RIMS2: variants seen among roughly 807,000 people sequenced by gnomAD.
The protein encoded by RIMS2 is regulating synaptic membrane exocytosis protein 2.
Under a neutral mutation model 174.4 loss-of-function variants are expected in RIMS2, and 59 were observed. The ratio of observed to expected loss-of-function variants is 0.34; its 90% CI spans 0.27 to 0.42. The LOEUF (loss-of-function observed/expected upper bound fraction) is 0.42. Among genes scored for constraint, RIMS2 ranks in the 10% least tolerant of loss-of-function variants. The probability of loss-of-function intolerance (pLI) is 1.00; values close to 1 mark genes in which losing one functional copy is unlikely to be tolerated. For missense variants in RIMS2, 1,620 were observed against 1,666.3 expected, an observed-to-expected ratio of 0.97 and a Z score of 0.48; for synonymous variants, 606 against 572.5, an observed-to-expected ratio of 1.06 and a Z score of -0.84.
intron 1 of RIMS2, among the ~76,000 whole-genome samples, chr8:103,691,002 A>G (rs1320515200): frequency 6.6e-6 from 1 of 152,166 alleles, no homozygotes; most frequent in Non-Finnish European, 1.5e-5. Context: ...TTTTCTTTCA[A>G]CACTTTGAAT....
chr8:103,697,276 G>A, exon 2 of RIMS2: 1 of 1,613,244 alleles, frequency 6.2e-7, no homozygotes, highest in African/African-American at 1.3e-5. Flanking sequence ...TGGAGGTCGA[G>A]TGTCATTACG....
intron 19 of RIMS2, among the ~76,000 whole-genome samples, chr8:104,025,948 G>T (rs1170126775): frequency 6.6e-6 from 1 of 152,090 alleles, no homozygotes; most frequent in Non-Finnish European, 1.5e-5. Flanking sequence ...ATATCAAATA[G>T]CCTAGGTATA....
intron 5 of RIMS2, 131 bp from the exon 9 acceptor site, chr8:103,911,922 T>G: frequency 1.6e-6 from 1 of 610,166 alleles, no homozygotes; most frequent in Non-Finnish European, 2.7e-6. Flanking sequence ...AGCTGGTTTG[T>G]GTAATCATAA....
intron 14 of RIMS2, among the ~76,000 whole-genome samples, chr8:103,949,475 T>C (rs1439270522): frequency 6.6e-6 from 1 of 152,028 alleles, no homozygotes; most frequent in African/African-American, 2.4e-5. Flanking sequence ...AAATTAGAAA[T>C]CAATAACAGA....
chr8:103,811,239 C>A (rs2098685842), intron 3 of RIMS2, among the ~76,000 whole-genome samples: 1 of 152,132 alleles, frequency 6.6e-6, no homozygotes, highest in Non-Finnish European at 1.5e-5. Flanking sequence ...ATACTTGGAA[C>A]AAGCAGTCCT....
At position 103,759,110 on chromosome 8, in the gene RIMS2, G is replaced by A. The variant is rs183145529; in HGVS notation, c.388-7117G>A. 2.5e-3 allele frequency among the ~76,000 whole-genome samples: 378 copies of A among 152,240 alleles called. 2 individuals are homozygous for A. Among genetic ancestry groups the A allele is most frequent in the African/African-American group, 8.8e-3 (364 of 41,560 alleles). On this transcript the variant is annotated intron_variant, in intron 2 of 23. Coordinates refer to ENST00000504942, the Ensembl canonical transcript of RIMS2. ...GTATGTTCCAGTCTCTTCTTTCCAG[G>A]CTTTGACTCAGGACGAGGATGCATT... is the stretch of plus-strand genomic sequence containing the variant.
chr8:104,090,953 T>G (rs2129721092), intron 19 of RIMS2, among the ~76,000 whole-genome samples: 1 of 152,006 alleles, frequency 6.6e-6, no homozygotes, highest in East Asian at 1.9e-4. Flanking sequence ...GGCTACTGTT[T>G]AATCATCATC....
At chr8:103,529,082 T>C (rs935431474) in intron 1 of RIMS2, among the ~76,000 whole-genome samples, 12 of 152,238 alleles carry the variant, frequency 7.9e-5, no homozygotes, top group African/African-American at 2.9e-4. Context: ...CAGTGGTTTA[T>C]AGTTCTCCTT....
chr8:104,241,746 G>A (rs191454595), intron 19 of RIMS2, among the ~76,000 whole-genome samples: 10 of 151,586 alleles, frequency 6.6e-5, no homozygotes, highest in Admixed American at 5.9e-4. Context: ...CTTGCTTGGG[G>A]TTTTTGTTTG....
intron 19 of RIMS2, among the ~76,000 whole-genome samples, chr8:104,026,017 G>A (rs1435001276): frequency 2.6e-5 from 4 of 152,030 alleles, no homozygotes; most frequent in Non-Finnish European, 4.4e-5. Context: ...GCACAATGAC[G>A]AAATCACCTA....
intron 19 of RIMS2, among the ~76,000 whole-genome samples, chr8:104,201,522 T>G (rs972565280): frequency 2.6e-5 from 4 of 152,198 alleles, no homozygotes; most frequent in Admixed American, 6.5e-5. Flanking sequence ...TGATATTGGA[T>G]TGAGACATTT....
At chr8:103,750,035 T>C (rs781450034) in intron 2 of RIMS2, among the ~76,000 whole-genome samples, 1 of 152,040 alleles carries the variant, frequency 6.6e-6, no homozygotes, top group Admixed American at 6.6e-5. Context: ...GTTAAAACAG[T>C]GGGTATATCC....
chr8:103,731,215 C>A (rs1222739923), intron 2 of RIMS2, among the ~76,000 whole-genome samples: 1 of 152,188 alleles, frequency 6.6e-6, no homozygotes, highest in African/African-American at 2.4e-5. Context: ...AACCATATCA[C>A]AGTGGATGCA....
At chr8:104,112,298 ATTT>A (rs2098199523) in intron 19 of RIMS2, among the ~76,000 whole-genome samples, 2 of 152,048 alleles carry the variant, frequency 1.3e-5, no homozygotes, top group Non-Finnish European at 2.9e-5. Flanking sequence ...TTTAATCATG[ATTT>A]TAACAAATAA....
At chr8:103,504,532 A>G (rs1029242407) in intron 1 of RIMS2, among the ~76,000 whole-genome samples, 34 of 152,184 alleles carry the variant, frequency 2.2e-4, no homozygotes, top group Admixed American at 7.9e-4. Flanking sequence ...CTGAGTTTCT[A>G]ATATGTACAT....
intron 3 of RIMS2, among the ~76,000 whole-genome samples, chr8:103,810,091 A>C (rs1028655204): frequency 2.6e-5 from 4 of 152,196 alleles, no homozygotes; most frequent in Non-Finnish European, 4.4e-5. Flanking sequence ...AGCAAGGTAG[A>C]ATCTAACAGC....
intron 19 of RIMS2, among the ~76,000 whole-genome samples, chr8:104,153,092 C>A (rs1266826381): frequency 6.6e-6 from 1 of 151,900 alleles, no homozygotes; most frequent in African/African-American, 2.4e-5. Context: ...AAAGGAGAAA[C>A]CTTTTATAAA....
intron 15 of RIMS2, among the ~76,000 whole-genome samples, chr8:103,963,992 T>A (rs943012393): frequency 2.0e-5 from 3 of 152,204 alleles, no homozygotes; most frequent in Non-Finnish European, 2.9e-5. Flanking sequence ...TGTCTTTTCA[T>A]GGTTTGATAG....
At position 103,842,426 on chromosome 8, in the gene RIMS2, A is replaced by G. The variant is rs995902490; in HGVS notation, c.699-42872A>G. 2.0e-5 allele frequency among the ~76,000 whole-genome samples: 3 copies of G among 152,082 alleles called. No individual in the cohort carries two copies. In the East Asian group the frequency reaches 5.8e-4, roughly 29 times the overall value. On this transcript the variant is annotated intron_variant, in intron 3 of 23. Coordinates refer to ENST00000504942, the Ensembl canonical transcript of RIMS2. The stretch of plus-strand genomic sequence containing the variant: ...AATAATGTGGCAATGAATTTTATGA[A>G]GATTTAGTAGATGGCCTCACAAATA...
Sources: allele counts gnomAD v4.1 joint callset (sites outside exome capture counted in the v4.1 genomes callset), GRCh38; gene constraint gnomAD v4.1.1; transcripts MANE v1.5; gene names NCBI Gene and HGNC (gene_info 2026-07-23, HGNC 2026-07-21).